PDE7B: variants seen among roughly 807,000 people sequenced by gnomAD.
The protein encoded by PDE7B is phosphodiesterase 7B, also known as 3',5'-cyclic-AMP phosphodiesterase 7B.
Under a neutral mutation model 56.2 loss-of-function variants are expected in PDE7B, and 29 were observed. The ratio of observed to expected loss-of-function variants is 0.52; its 90% CI spans 0.38 to 0.70. PDE7B has a LOEUF of 0.70. PDE7B is among the 30% of genes least tolerant of loss of function. PDE7B has a pLI of 0.00. For synonymous variants in PDE7B, 197 were observed against 196.9 expected (o/e 1.00, Z 0.00); for missense variants, 490 against 565.0 (o/e 0.87, Z 1.35).
intron 2 of PDE7B, among the ~76,000 whole-genome samples, chr6:135,996,147 G>A (rs1012921801): frequency 3.3e-5 from 5 of 151,996 alleles, no homozygotes; most frequent in Non-Finnish European, 7.4e-5. Flanking sequence ...GTGTCAAATA[G>A]GCAAACCTAA....
intron 9 of PDE7B, among the ~76,000 whole-genome samples, chr6:136,174,468 T>C (rs1278880561): frequency 6.6e-6 from 1 of 152,148 alleles, no homozygotes; most frequent in Non-Finnish European, 1.5e-5. Flanking sequence ...TTGATAGCCA[T>C]GGTATGTAGG....
At chr6:136,095,253 C>A (rs945251432) in intron 2 of PDE7B, among the ~76,000 whole-genome samples, 4 of 151,920 alleles carry the variant, frequency 2.6e-5, no homozygotes, top group African/African-American at 7.3e-5. Context: ...TTAACACTGA[C>A]CTAGATTTTT....
intron 2 of PDE7B, among the ~76,000 whole-genome samples, chr6:135,953,058 A>AT (rs1339773982): frequency 2.6e-5 from 4 of 152,118 alleles, no homozygotes; most frequent in East Asian, 3.9e-4. Flanking sequence ...TTCTGGTTTG[A>AT]TTTTTTTTAA....
chr6:135,950,121 T>C (rs939344004), intron 2 of PDE7B, among the ~76,000 whole-genome samples: 8 of 152,080 alleles, frequency 5.3e-5, no homozygotes, highest in Non-Finnish European at 2.9e-5. Context: ...AGCAAAATGA[T>C]CCTAGATGAT....
chr6:135,933,675 C>T (rs1384618120), intron 1 of PDE7B, among the ~76,000 whole-genome samples: 1 of 152,098 alleles, frequency 6.6e-6, no homozygotes, highest in Non-Finnish European at 1.5e-5. Flanking sequence ...AAGCAAAAAT[C>T]TCCTAGTTTG....
chr6:136,085,857 G>A (rs1777282964), intron 2 of PDE7B, among the ~76,000 whole-genome samples: 2 of 152,248 alleles, frequency 1.3e-5, no homozygotes, highest in East Asian at 1.9e-4. Flanking sequence ...GAGGAGCACA[G>A]GCCAACAACA....
At chr6:136,155,118 A>T (rs957847491) in intron 7 of PDE7B, among the ~76,000 whole-genome samples, 5 of 152,194 alleles carry the variant, frequency 3.3e-5, no homozygotes, top group Admixed American at 2.6e-4. Flanking sequence ...ATTCTCATAC[A>T]TTCTCCCACT....
rs1562434158 is a variant in PDE7B, at chr6:135,906,829, T to TTTTTTTTTTTTTTTTTTTTG, written c.22-40628_22-40627insTTTTTTTTTTTTGTTTTTTT. Among the ~76,000 whole-genome samples, 17 of 142,600 alleles carry TTTTTTTTTTTTTTTTTTTTG rather than the reference T, an allele frequency of 1.2e-4. 1 individual carries two copies. Among genetic ancestry groups the TTTTTTTTTTTTTTTTTTTTG allele is most frequent in the African/African-American group, 4.8e-4 (17 of 35,214 alleles). The allele number at this position is 142,600 out of a possible 152,430, so 93.6% of individuals were successfully genotyped here. A position where few individuals can be genotyped will look rare whatever the true frequency, so the allele number is the denominator to read the frequency against. On this transcript the variant is annotated intron_variant, in intron 1 of 12. Coordinates refer to ENST00000308191, the MANE Select transcript of PDE7B (RefSeq NM_018945.4). ...AGGTTTGTTTTTTTTTTTTTTTTTT[T>TTTTTTTTTTTTTTTTTTTTG]TTTTTTTAATCCTCTAGGCTTTTCC...
In PDE7B at chr6:136,192,947, T is replaced by C. The variant is rs528028340; in HGVS notation, c.*1107T>C. The C allele has an allele frequency of 6.6e-6, 1 of 152,368 alleles. No individual in the cohort carries two copies. The highest frequency in any genetic ancestry group is 2.1e-4 in the South Asian group (1 of 4,830). The allele number at this position is 152,368 out of a possible 1,614,324, so 9.4% of individuals were successfully genotyped here. On this transcript the variant is annotated 3_prime_UTR_variant, in exon 13 of 13. Transcript: ENST00000308191. The stretch of plus-strand genomic sequence containing the variant: ...CTGAATAAAGTCTTTGAGGAAACAT[T>C]TTGGAAACTTCACATGCATTCCGCT...
At chr6:136,041,470 G>A (rs1345834082) in intron 2 of PDE7B, among the ~76,000 whole-genome samples, 3 of 152,222 alleles carry the variant, frequency 2.0e-5, no homozygotes, top group Non-Finnish European at 2.9e-5. Flanking sequence ...ACATAGAAAC[G>A]TCTTCCACCA....
intron 2 of PDE7B, among the ~76,000 whole-genome samples, chr6:136,065,576 C>T (rs754042945): frequency 2.0e-5 from 3 of 152,114 alleles, no homozygotes; most frequent in Non-Finnish European, 4.4e-5. Flanking sequence ...TGCTTAAAAT[C>T]GGCTCACCCC....
At chr6:136,099,100 T>G (rs1777519633) in intron 2 of PDE7B, among the ~76,000 whole-genome samples, 1 of 151,800 alleles carries the variant, frequency 6.6e-6, no homozygotes, top group Non-Finnish European at 1.5e-5. Context: ...GCAAAGTACA[T>G]GAACTTATCC....
intron 2 of PDE7B, among the ~76,000 whole-genome samples, chr6:136,002,293 T>A (rs1399555678): frequency 6.6e-6 from 1 of 152,130 alleles, no homozygotes; most frequent in Non-Finnish European, 1.5e-5. Flanking sequence ...CTGCATCAAC[T>A]AATGAGCAAA....
At chr6:135,937,689 T>C (rs930884037) in intron 1 of PDE7B, among the ~76,000 whole-genome samples, 9 of 152,192 alleles carry the variant, frequency 5.9e-5, no homozygotes, top group Admixed American at 1.3e-4. Flanking sequence ...AGGTTGGTTC[T>C]TCCCGCTTCC....
At chr6:136,012,378 G>A (rs1775910126) in intron 2 of PDE7B, among the ~76,000 whole-genome samples, 1 of 152,134 alleles carries the variant, frequency 6.6e-6, no homozygotes, top group African/African-American at 2.4e-5. Context: ...CAAGATTCCT[G>A]CAAAAAATGG....
intron 2 of PDE7B, among the ~76,000 whole-genome samples, chr6:136,023,774 A>C (rs1776108768): frequency 1.3e-5 from 2 of 152,130 alleles, no homozygotes; most frequent in Admixed American, 1.3e-4. Flanking sequence ...ACAGATATAG[A>C]TATCAATATA....
chr6:136,108,863 G>C (rs753107503), intron 3 of PDE7B, 49 bp downstream of exon 3: 1 of 915,132 alleles, frequency 1.1e-6, no homozygotes, highest in East Asian at 3.0e-5. Flanking sequence ...TCTTCAAAAA[G>C]AAAAAAAAAA....
At chr6:135,897,243 G>T (rs1396409463) in intron 1 of PDE7B, among the ~76,000 whole-genome samples, 1 of 148,684 alleles carries the variant, frequency 6.7e-6, no homozygotes, top group African/African-American at 2.5e-5. Context: ...AACTTCAGAA[G>T]TGCCTTCCCA....
intron 2 of PDE7B, among the ~76,000 whole-genome samples, chr6:136,051,816 G>A (rs891246531): frequency 3.9e-5 from 6 of 151,914 alleles, no homozygotes; most frequent in Non-Finnish European, 7.4e-5. Context: ...CCTTTCGTTC[G>A]CTACCACCAC....
Sources: allele counts gnomAD v4.1 joint callset (sites outside exome capture counted in the v4.1 genomes callset), GRCh38; gene constraint gnomAD v4.1.1; transcripts MANE v1.5; gene names NCBI Gene and HGNC (gene_info 2026-07-23, HGNC 2026-07-21).